GHR: variants seen among roughly 807,000 people sequenced by gnomAD.
GHR encodes GH receptor.
Under a neutral mutation model 67.1 loss-of-function variants are expected in GHR, and 35 were observed. The observed-to-expected ratio is 0.52, with a 90% CI of 0.40 to 0.69. The LOEUF (loss-of-function observed/expected upper bound fraction) is 0.69, where lower values mean the gene tolerates loss of function less well. Among genes scored for constraint, GHR ranks in the 30% least tolerant of loss-of-function variants. The pLI, the probability that GHR is intolerant of heterozygous loss-of-function variation, is 0.00. For synonymous variants in GHR, 272 were observed against 269.1 expected (o/e 1.01, Z -0.10); for missense variants, 792 against 764.6 (o/e 1.04, Z -0.42).
At position 42,699,923 on chromosome 5, in the gene GHR, A is replaced by G. The variant is rs565341316; in HGVS notation, c.539A>G (p.Asn180Ser). Residue 180 changes from asparagine to serine, a missense_variant, in exon 6 of 10, where the codon AAT (asparagine) becomes AGT (serine). Transcript: ENST00000230882. Reference protein sequence around the residue: ...DIQVRWEAPRNADIQKGWMVL... With the variant: ...DIQVRWEAPRSADIQKGWMVL... ...CAAGTGAGATGGGAAGCACCACGCA[A>G]TGCAGATATTCAGAAAGGATGGATG... 2 of 1,596,122 alleles carry G rather than the reference A, an allele frequency of 1.3e-6. No homozygotes were observed. The highest frequency in any genetic ancestry group is 4.5e-5 in the East Asian group (2 of 44,756).
At chr5:42,676,229 G>A (rs1339170173) in intron 3 of GHR, among the ~76,000 whole-genome samples, 3 of 152,074 alleles carry the variant, frequency 2.0e-5, no homozygotes, top group East Asian at 3.9e-4. Context: ...AGGTTGCAGT[G>A]AGCCAAGATC....
chr5:42,519,563 C>A (rs887709438), intron 1 of GHR, among the ~76,000 whole-genome samples: 3 of 152,308 alleles, frequency 2.0e-5, no homozygotes, highest in Non-Finnish European at 4.4e-5. Context: ...AGTAACTCAT[C>A]CCAAGTTACC....
At chr5:42,474,257 C>CAGACAGACAGAAAGAAAGAAAGAAAGAA (rs1182799025) in intron 1 of GHR, among the ~76,000 whole-genome samples, 35 of 88,040 alleles carry the variant, frequency 4.0e-4, no homozygotes, top group African/African-American at 1.4e-3. Context: ...GAAAGACAGA[C>CAGACAGACAGAAAGAAAGAAAGAAAGAA]AGAAAGAAAG....
intron 1 of GHR, among the ~76,000 whole-genome samples, chr5:42,483,778 T>C (rs1745760281): frequency 6.6e-6 from 1 of 152,134 alleles, no homozygotes; most frequent in South Asian, 2.1e-4. Flanking sequence ...AGAGAAAGGG[T>C]AACTGTATGG....
chr5:42,603,120 C>T (rs773137905), intron 2 of GHR, among the ~76,000 whole-genome samples: 6 of 138,784 alleles, frequency 4.3e-5, no homozygotes, highest in African/African-American at 1.1e-4. Context: ...TGGGTATAGC[C>T]GTCTTTGTTG....
chr5:42,645,217 G>A (rs79603347), intron 3 of GHR, among the ~76,000 whole-genome samples: 1 of 152,288 alleles, frequency 6.6e-6, no homozygotes, highest in Non-Finnish European at 1.5e-5. Context: ...GAATTTACAA[G>A]GTCATTCTTG....
At chr5:42,680,684 T>A (rs1383283214) in intron 3 of GHR, among the ~76,000 whole-genome samples, 1 of 151,946 alleles carries the variant, frequency 6.6e-6, no homozygotes, top group African/African-American at 2.4e-5. Context: ...TTTGTATTTT[T>A]AGTAGAGACG....
chr5:42,634,431 A>T (rs1754072991), intron 3 of GHR, among the ~76,000 whole-genome samples: 1 of 152,152 alleles, frequency 6.6e-6, no homozygotes. Flanking sequence ...CTCTAAAGAT[A>T]GGGACAATAT....
intron 1 of GHR, among the ~76,000 whole-genome samples, chr5:42,473,402 T>G (rs1404884056): frequency 6.6e-6 from 1 of 152,150 alleles, no homozygotes; most frequent in Non-Finnish European, 1.5e-5. Flanking sequence ...AATATTTTTC[T>G]CTATAGATAG....
At chr5:42,655,933 C>T (rs1230632577) in intron 3 of GHR, among the ~76,000 whole-genome samples, 1 of 152,068 alleles carries the variant, frequency 6.6e-6, no homozygotes, top group Non-Finnish European at 1.5e-5. Context: ...CAGCCATTTT[C>T]TTATTGTTGA....
chr5:42,678,291 A>G (rs1239981557), intron 3 of GHR, among the ~76,000 whole-genome samples: 2 of 152,208 alleles, frequency 1.3e-5, no homozygotes. Context: ...TTCAATTGTC[A>G]TGGCAACTCT....
At chr5:42,683,208 G>A (rs1222643042) in intron 3 of GHR, among the ~76,000 whole-genome samples, 1 of 151,992 alleles carries the variant, frequency 6.6e-6, no homozygotes, top group Non-Finnish European at 1.5e-5. Context: ...CACCATGTTG[G>A]TCAGGCTGGT....
chr5:42,602,645 C>A (rs1752436351), intron 2 of GHR, among the ~76,000 whole-genome samples: 1 of 151,918 alleles, frequency 6.6e-6, no homozygotes, highest in Non-Finnish European at 1.5e-5. Context: ...GTTTTGATTT[C>A]TTCTTTTGTG....
At chr5:42,450,889 A>G (rs1744021469) in intron 1 of GHR, among the ~76,000 whole-genome samples, 1 of 152,188 alleles carries the variant, frequency 6.6e-6, no homozygotes, top group Non-Finnish European at 1.5e-5. Flanking sequence ...TGTTGACCCA[A>G]AGATCATTCA....
At chr5:42,540,371 T>C (rs1489900343) in intron 1 of GHR, among the ~76,000 whole-genome samples, 1 of 152,162 alleles carries the variant, frequency 6.6e-6, no homozygotes, top group Non-Finnish European at 1.5e-5. Context: ...AATATAGTAA[T>C]TATCTAGGAA....
At chr5:42,597,595 C>G (rs1752141002) in intron 2 of GHR, among the ~76,000 whole-genome samples, 1 of 152,148 alleles carries the variant, frequency 6.6e-6, no homozygotes. Flanking sequence ...TCCCAAATCT[C>G]TTTCAGTGGC....
At chr5:42,689,086 A>G in intron 4 of GHR, 67 bp downstream of exon 4, 1 of 1,299,860 alleles carries the variant, frequency 7.7e-7, no homozygotes, top group Non-Finnish European at 1.1e-6. Context: ...ACTGAGTCAG[A>G]TGTACTGTGG....
chr5:42,531,086 A>T (rs1312029440), intron 1 of GHR, among the ~76,000 whole-genome samples: 2 of 152,100 alleles, frequency 1.3e-5, no homozygotes, highest in Non-Finnish European at 2.9e-5. Flanking sequence ...TCGCCAAAAC[A>T]GTGAAACCCC....
At chr5:42,467,579 G>T (rs1744790776) in intron 1 of GHR, 2 of 1,579,040 alleles carry the variant, frequency 1.3e-6, no homozygotes, top group South Asian at 2.3e-5. Flanking sequence ...AGGTTTTTTT[G>T]ATATACAGTC....
Sources: gnomAD v4.1 joint callset for allele counts (sites outside exome capture counted in the v4.1 genomes callset) on GRCh38, gnomAD v4.1.1 for gene constraint, MANE v1.5 for transcripts, NCBI Gene and HGNC (gene_info 2026-07-23, HGNC 2026-07-21) for gene names.